CACNA1D: variants seen among roughly 807,000 people sequenced by gnomAD.
CACNA1D encodes calcium voltage-gated channel subunit alpha1 D.
A neutral mutation model predicts 257.1 loss-of-function variants in CACNA1D; 55 were observed. The ratio of observed to expected loss-of-function variants is 0.21; its 90% CI spans 0.17 to 0.27. CACNA1D has a LOEUF of 0.27. Among genes scored for constraint, CACNA1D ranks in the 10% least tolerant of loss-of-function variants. The pLI is 1.00. For synonymous variants in CACNA1D, 980 were observed against 1,014.9 expected, an observed-to-expected ratio of 0.97 and a Z score of 0.65; for missense variants, 1,876 against 2,784.0, an observed-to-expected ratio of 0.67 and a Z score of 7.34.
At chr3:53,511,038 G>A (rs892645738) in intron 3 of CACNA1D, among the ~76,000 whole-genome samples, 6 of 152,100 alleles carry the variant, frequency 3.9e-5, no homozygotes, top group Admixed American at 3.9e-4. Flanking sequence ...TGCTTGCTAC[G>A]GACTGGTTTC....
Position 53,801,086 on chromosome 3 carries a change from T to A in CACNA1D, c.5069T>A (p.Val1690Asp). ...KRNGALLGNH[V>D]NHVNSDRRDS... ...AATGGTGCCCTGCTTGGAAACCATG[T>A]CAATCATGTTAATAGTGATAGGAGA... Residue 1690 changes from valine (V) to aspartate (D), a missense_variant, in exon 42 of 48, where the codon GTC (valine) becomes GAC (aspartate). Physicochemically the swap from Val to Asp is radical, Grantham distance 152 (BLOSUM62 -3). Transcript: ENST00000350061. 1 of 1,613,910 alleles carries A rather than the reference T, an allele frequency of 6.2e-7. No individual in the cohort carries two copies.
intron 8 of CACNA1D, among the ~76,000 whole-genome samples, chr3:53,674,805 C>T (rs1301338826): frequency 6.6e-6 from 1 of 152,184 alleles, no homozygotes; most frequent in Non-Finnish European, 1.5e-5. Context: ...GAGGGGCCCA[C>T]GTCTCCCAGA....
chr3:53,496,952 A>G (rs2090377752), intron 1 of CACNA1D, among the ~76,000 whole-genome samples, 200 bp from the exon 2 acceptor site: 1 of 152,190 alleles, frequency 6.6e-6, no homozygotes, highest in Non-Finnish European at 1.5e-5. Context: ...ATTGACACTG[A>G]GACCAGAGCT....
chr3:53,746,452 G>A (rs1000579838), intron 25 of CACNA1D, among the ~76,000 whole-genome samples: 1 of 152,182 alleles, frequency 6.6e-6, no homozygotes, highest in African/African-American at 2.4e-5. Flanking sequence ...AGGATGTCCA[G>A]TGACCATGAA....
Position 53,566,397 on chromosome 3 carries a change from G to A in CACNA1D, c.483+64677G>A, listed in dbSNP as rs191311699. 1.0e-3 allele frequency among the ~76,000 whole-genome samples: 152 copies of A among 152,170 alleles called. 3 individuals are homozygous for A. In the South Asian group the frequency reaches 0.022, roughly 22 times the overall value. Reference sequence around the variant, plus strand: ...CTGGATGGGTGTTTGGTTTACTCCTGATTACCTGGGTCTCTGCTCGAATGT... The same window carrying A: ...CTGGATGGGTGTTTGGTTTACTCCTAATTACCTGGGTCTCTGCTCGAATGT... On this transcript the variant is annotated intron_variant, in intron 3 of 47. Coordinates refer to ENST00000350061, the MANE Select transcript of CACNA1D (RefSeq NM_001128840.3).
At chr3:53,576,542 G>T (rs1006522883) in intron 3 of CACNA1D, among the ~76,000 whole-genome samples, 2 of 152,212 alleles carry the variant, frequency 1.3e-5, no homozygotes, top group African/African-American at 2.4e-5. Context: ...TTGCCACTGA[G>T]AATGGAATTA....
intron 3 of CACNA1D, among the ~76,000 whole-genome samples, chr3:53,507,979 G>GC (rs1173242825): frequency 1.3e-5 from 2 of 151,982 alleles, no homozygotes; most frequent in Non-Finnish European, 2.9e-5. Flanking sequence ...AGCTGGAAAG[G>GC]GGGGGCTGAA....
At chr3:53,569,778 T>G (rs1575912260) in intron 3 of CACNA1D, among the ~76,000 whole-genome samples, 1 of 152,220 alleles carries the variant, frequency 6.6e-6, no homozygotes, top group Non-Finnish European at 1.5e-5. Flanking sequence ...ATCTTTGACT[T>G]TAGAGCCAGA....
chr3:53,566,674 T>C (rs1368842814), intron 3 of CACNA1D, among the ~76,000 whole-genome samples: 1 of 152,110 alleles, frequency 6.6e-6, no homozygotes, highest in Non-Finnish European at 1.5e-5. Flanking sequence ...GTTTGCTGAG[T>C]GAAGGAAGCT....
chr3:53,810,037 G>C lies in CACNA1D; in HGVS notation c.5931G>C (p.Ser1977=), dbSNP rs766699734. 6.2e-7 allele frequency: 1 copy of C among 1,613,882 alleles called. No homozygotes were observed. The highest frequency in any genetic ancestry group is 8.5e-7 in the Non-Finnish European group (1 of 1,180,008). ...SKAQKYSPSH[S]TRSWATPPAT... Reference sequence around the variant, plus strand: ...CCCAGAAGTACTCACCGAGTCACTCGACCCGGTCGTGGGCCACCCCTCCAG... The same window carrying C: ...CCCAGAAGTACTCACCGAGTCACTCCACCCGGTCGTGGGCCACCCCTCCAG... The change falls in exon 47 of 48, where the codon TCG becomes TCC. Residue 1977 remains serine, a synonymous_variant. Transcript: ENST00000350061.
chr3:53,544,620 G>A (rs532841765), intron 3 of CACNA1D, among the ~76,000 whole-genome samples: 2 of 152,244 alleles, frequency 1.3e-5, no homozygotes, highest in Admixed American at 6.5e-5. Context: ...TGTTGTGCCT[G>A]TTCCCAGTGG....
At chr3:53,601,384 C>G (rs1305277113) in intron 3 of CACNA1D, among the ~76,000 whole-genome samples, 1 of 152,200 alleles carries the variant, frequency 6.6e-6, no homozygotes, top group Non-Finnish European at 1.5e-5. Flanking sequence ...AGATCTACCC[C>G]TCTTGGGGCT....
At chr3:53,702,446 C>T (rs1180258846) in intron 8 of CACNA1D, among the ~76,000 whole-genome samples, 195 bp from the exon 9 acceptor site, 1 of 152,218 alleles carries the variant, frequency 6.6e-6, no homozygotes, top group East Asian at 1.9e-4. Flanking sequence ...CTCTGCGACT[C>T]TGACCCCCAT....
rs1559617091 is a variant in CACNA1D, at chr3:53,747,414, C to A, written c.3280C>A (p.Leu1094Ile). 1 of 1,614,252 alleles carries A rather than the reference C, an allele frequency of 6.2e-7. No individual in the cohort carries two copies. Among genetic ancestry groups the A allele is most frequent in the Non-Finnish European group, 8.5e-7 (1 of 1,180,024 alleles). The change falls in exon 26 of 48, where the codon CTC (leucine) becomes ATC (isoleucine). Residue 1094 changes from leucine to isoleucine, a missense_variant. Physicochemically the swap from Leu to Ile is conservative, Grantham distance 5 (BLOSUM62 2). Around this residue, in one of 10 missense-constraint regions of CACNA1D, gnomAD observed 271 missense variants for 425.5 expected, o/e 0.64. Transcript: ENST00000350061. ...FDNVLSAMMA[L>I]FTVSTFEGWP... Reference sequence around the variant, plus strand: ...CAACGTCCTCTCTGCTATGATGGCGCTCTTCACAGTCTCCACGTTTGAGGG... The same window carrying A: ...CAACGTCCTCTCTGCTATGATGGCGATCTTCACAGTCTCCACGTTTGAGGG...
intron 29 of CACNA1D, among the ~76,000 whole-genome samples, chr3:53,761,745 AGTGTGTGT>A (rs111473773): frequency 6.7e-6 from 1 of 150,080 alleles, no homozygotes. Context: ...CAGGACCGTG[AGTGTGTGT>A]GTGTGTGTGT....
Position 53,497,448 on chromosome 3 carries a change from A to G in CACNA1D, c.364A>G (p.Ile122Val), listed in dbSNP as rs1259925073. 4.3e-6 allele frequency: 7 copies of G among 1,614,000 alleles called. No homozygotes were observed. Among genetic ancestry groups the G allele is most frequent in the East Asian group, 2.2e-5 (1 of 44,894 alleles). Residue 122 changes from isoleucine (I) to valine (V), a missense_variant, in exon 2 of 48, where the codon ATA becomes GTA. This residue lies in a region of CACNA1D where 143 missense variants were observed against 168.7 expected (regional missense o/e 0.85). Transcript: ENST00000350061. Reference sequence around the variant, plus strand: ...CCCCATCCGAAGAGCCTGCATTAGTATAGTGGAATGGAAGTATCCTTTTTT... The same window carrying G: ...CCCCATCCGAAGAGCCTGCATTAGTGTAGTGGAATGGAAGTATCCTTTTTT... ...NNPIRRACIS[I>V]VEWKPFDIFI...
intron 3 of CACNA1D, among the ~76,000 whole-genome samples, chr3:53,607,844 G>A (rs1576068082): frequency 6.6e-6 from 1 of 152,166 alleles, no homozygotes; most frequent in South Asian, 2.1e-4. Context: ...TTATGTATGT[G>A]TGTTTATTTC....
At chr3:53,691,484 A>T (rs2094518696) in intron 8 of CACNA1D, among the ~76,000 whole-genome samples, 1 of 151,188 alleles carries the variant, frequency 6.6e-6, no homozygotes, top group Non-Finnish European at 1.5e-5. Flanking sequence ...ACCTTCATGG[A>T]TTCTCATCAT....
intron 3 of CACNA1D, among the ~76,000 whole-genome samples, chr3:53,604,294 G>C (rs539086955): frequency 6.6e-6 from 1 of 152,342 alleles, no homozygotes; most frequent in East Asian, 1.9e-4. Flanking sequence ...AGCTGCAGAT[G>C]GAGGAAACAG....
Sources: gnomAD v4.1 joint callset for allele counts (sites outside exome capture counted in the v4.1 genomes callset) on GRCh38, gnomAD v4.1.1 for gene constraint, gnomAD v4.1.1 regional missense constraint, MANE v1.5 for transcripts, NCBI Gene and HGNC (gene_info 2026-07-23, HGNC 2026-07-21) for gene names.